Variants in INTS6L observed in about 807,000 individuals in gnomAD.
INTS6L encodes integrator complex subunit 6-like.
INTS6L carries 18 observed loss-of-function variants against 64.7 expected under a neutral mutation model. The ratio of observed to expected loss-of-function variants is 0.28; its 90% CI spans 0.19 to 0.41. The LOEUF is 0.41. Among genes scored for constraint, INTS6L ranks in the 10% least tolerant of loss-of-function variants. The pLI, the probability that INTS6L is intolerant of heterozygous loss-of-function variation, is 1.00. For synonymous variants in INTS6L, 227 were observed against 235.9 expected (o/e 0.96, Z 0.34); for missense variants, 533 against 661.0 (o/e 0.81, Z 2.12).
intron 12 of INTS6L, 145 bp downstream of exon 12, chrX:135,573,178 A>G (rs1433675140): frequency 4.0e-6 from 2 of 500,842 alleles, no homozygotes; most frequent in East Asian, 3.7e-5. Flanking sequence ...TTGTCAGCAG[A>G]TATCAATATG....
chrX:135,543,812 C>A (rs1256037708), intron 2 of INTS6L, among the ~76,000 whole-genome samples: 1 of 112,199 alleles, frequency 8.9e-6, no homozygotes, highest in African/African-American at 3.2e-5. Flanking sequence ...TTCCTTTTCA[C>A]TAAAGTTCAG....
chrX:135,543,076 G>A (rs1473109312), intron 2 of INTS6L, among the ~76,000 whole-genome samples: 2 of 110,851 alleles, frequency 1.8e-5, no homozygotes, highest in African/African-American at 3.3e-5. Context: ...CACTTTTCTC[G>A]TAAGCTCTTT....
chrX:135,531,542 T>C (rs1252868605), intron 2 of INTS6L, among the ~76,000 whole-genome samples: 1 of 112,266 alleles, frequency 8.9e-6, no homozygotes, highest in Non-Finnish European at 1.9e-5. Flanking sequence ...CTCTTACATG[T>C]GTTCCTTTGA....
chrX:135,573,842 A>AT, intron 12 of INTS6L, 97 bp from the exon 13 acceptor site: 1 of 981,559 alleles, frequency 1.0e-6, no homozygotes, highest in Non-Finnish European at 1.4e-6. Context: ...TTGTATTGAT[A>AT]TAACACTCTT....
chrX:135,557,093 C>T (rs781998113), intron 9 of INTS6L, among the ~76,000 whole-genome samples: 5 of 111,497 alleles, frequency 4.5e-5, no homozygotes, highest in East Asian at 5.6e-4. Flanking sequence ...AATGAGTCAT[C>T]GTAAATGTAT....
chrX:135,546,490 T>A (rs781847653), intron 4 of INTS6L, 21 bp downstream of exon 4: 36 of 1,093,975 alleles, frequency 3.3e-5, no homozygotes, highest in South Asian at 9.3e-5. Context: ...ATTTTTTTTT[T>A]AATTTTGTTT....
intron 17 of INTS6L, 148 bp from the exon 18 acceptor site, chrX:135,581,380 G>A (rs2087367045): frequency 4.0e-6 from 2 of 497,618 alleles, no homozygotes; most frequent in Non-Finnish European, 6.6e-6. Flanking sequence ...GCCACTATTG[G>A]TACTTGCTCT....
At chrX:135,564,563 C>G (rs1182261826) in intron 9 of INTS6L, among the ~76,000 whole-genome samples, 3 of 109,475 alleles carry the variant, frequency 2.7e-5, no homozygotes, top group Non-Finnish European at 5.7e-5. Context: ...GAAACCCCGT[C>G]TCTACTAAAA....
At chrX:135,543,963 G>T (rs1456699111) in intron 2 of INTS6L, among the ~76,000 whole-genome samples, 1 of 112,054 alleles carries the variant, frequency 8.9e-6, no homozygotes, top group Non-Finnish European at 1.9e-5. Flanking sequence ...CGACCTATAG[G>T]ATATGTTAGG....
At position 135,581,960 on chromosome X, in the gene INTS6L, C is replaced by T; in HGVS notation, c.*324C>T. ...CTCACTTGAACTTTGCCATTCCAGG[C>T]ATTCTCAGAGTGGCGAGGGGCCACC... On this transcript the variant is annotated 3_prime_UTR_variant, in exon 18 of 18. Coordinates refer to ENST00000639893, the MANE Select transcript of INTS6L (RefSeq NM_001351601.3). The T allele has an allele frequency of 2.0e-5, 4 of 195,597 alleles. No homozygotes were observed. The South Asian group carries it at 3.9e-4, about 19-fold the overall frequency. The allele number at this position is 195,597 out of a possible 1,213,427, so 16.1% of individuals were successfully genotyped here.
intron 16 of INTS6L, among the ~76,000 whole-genome samples, chrX:135,580,712 A>G (rs1394849171): frequency 1.8e-5 from 2 of 112,681 alleles, no homozygotes; most frequent in Non-Finnish European, 3.7e-5. Context: ...CATTGGGCCC[A>G]CATGCATAAA....
At chrX:135,578,495 T>C (rs1363857688) in intron 15 of INTS6L, among the ~76,000 whole-genome samples, 1 of 111,616 alleles carries the variant, frequency 9.0e-6, no homozygotes, top group Admixed American at 9.5e-5. Context: ...ATGTAAATAA[T>C]GCTAATATTT....
Position 135,545,306 on chromosome X carries a change from A to C in INTS6L, c.190-117A>C, listed in dbSNP as rs782298075. ...CCTGATCAGTGAAGATATAGAATAGAATTAGGTTAAAGAGTGGTTAATTTC... is the reference window on the plus strand; with the variant it reads ...CCTGATCAGTGAAGATATAGAATAGCATTAGGTTAAAGAGTGGTTAATTTC... On this transcript the variant is annotated intron_variant, in intron 2 of 17. Coordinates refer to ENST00000639893, the MANE Select transcript of INTS6L (RefSeq NM_001351601.3). 1.5e-5 allele frequency: 14 copies of C among 918,828 alleles called. No individual in the cohort carries two copies. In the African/African-American group the frequency reaches 2.6e-4, roughly 17 times the overall value. The allele number at this position is 918,828 out of a possible 1,213,427, so 75.7% of individuals were successfully genotyped here.
intron 12 of INTS6L, among the ~76,000 whole-genome samples, chrX:135,573,623 C>A (rs1370915708): frequency 8.9e-6 from 1 of 112,713 alleles, no homozygotes; most frequent in Non-Finnish European, 1.9e-5. Context: ...CAGCTCACCT[C>A]CCCTCCATGG....
At chrX:135,529,924 A>G (rs1169920970) in intron 2 of INTS6L, among the ~76,000 whole-genome samples, 1 of 111,735 alleles carries the variant, frequency 8.9e-6, no homozygotes, top group African/African-American at 3.3e-5. Flanking sequence ...CTTTTTATAG[A>G]TAAGGGAACC....
At position 135,572,847 on chromosome X, in the gene INTS6L, A is replaced by C. The variant is rs782504690; in HGVS notation, c.1431A>C (p.Ser477=). 1.7e-6 allele frequency: 2 copies of C among 1,209,567 alleles called. No homozygotes were observed. Among genetic ancestry groups the C allele is most frequent in the African/African-American group, 3.5e-5 (2 of 57,108 alleles). Residue 477 remains serine, a synonymous_variant, in exon 12 of 18, where the codon TCA becomes TCC. Coordinates refer to ENST00000639893, the MANE Select transcript of INTS6L (RefSeq NM_001351601.3). ...TAGAGTCAGAACGAATACTAGCATC[A>C]GTGGGGAAGAAACCTCCCCAGGAAA... ...TKLESERILA[S]VGKKPPQEIG... is the part of the protein sequence containing the mutation.
At position 135,549,949 on chromosome X, in the gene INTS6L, G is replaced by A. The variant is rs1205039340; in HGVS notation, c.906+144G>A. On this transcript the variant is annotated intron_variant, in intron 7 of 17. Transcript: ENST00000639893. The stretch of plus-strand genomic sequence containing the variant: ...CCTCCTTTGCCTTCTATCTCTTACT[G>A]GAAGTCTAGCTTTGTGCCTAAAAGC... 4.8e-6 allele frequency: 3 copies of A among 622,431 alleles called. No homozygotes were observed. The African/African-American group carries it at 6.9e-5, about 14-fold the overall frequency. The allele number at this position is 622,431 out of a possible 1,213,427, so 51.3% of individuals were successfully genotyped here. A position where few individuals can be genotyped will look rare whatever the true frequency, so the allele number is the denominator to read the frequency against.
At chrX:135,545,369 TA>T in intron 2 of INTS6L, 53 bp from the exon 3 acceptor site, 1 of 1,180,857 alleles carries the variant, frequency 8.5e-7, no homozygotes. Context: ...GATTGTACTT[TA>T]TATATTGTTC....
At chrX:135,568,592 C>G (rs192731634) in intron 9 of INTS6L, among the ~76,000 whole-genome samples, 1 of 111,256 alleles carries the variant, frequency 9.0e-6, no homozygotes, top group East Asian at 2.8e-4. Flanking sequence ...CTCTGTCACC[C>G]AGGCTGGAGT....
Sources: gnomAD v4.1 joint callset for allele counts (sites outside exome capture counted in the v4.1 genomes callset) on GRCh38, gnomAD v4.1.1 for gene constraint, MANE v1.5 for transcripts, NCBI Gene and HGNC (gene_info 2026-07-23, HGNC 2026-07-21) for gene names.